The following RNF180 variants were observed in gnomAD, a reference collection of about 807,000 sequenced individuals.
RNF180 encodes E3 ubiquitin-protein ligase RNF180.
In RNF180, 38 loss-of-function variants were observed where a neutral mutation model predicts 59.2. The observed-to-expected ratio is 0.64, with a 90% CI of 0.50 to 0.84. The LOEUF (loss-of-function observed/expected upper bound fraction) is 0.84, where lower values mean the gene tolerates loss of function less well. RNF180 is among the 40% of genes least tolerant of loss of function. The pLI is 0.00. For missense variants in RNF180, 705 were observed against 700.9 expected (o/e 1.01, Z -0.07); for synonymous variants, 262 against 240.3 (o/e 1.09, Z -0.84).
intron 5 of RNF180, among the ~76,000 whole-genome samples, chr5:64,303,279 A>G (rs914417332): frequency 2.0e-5 from 3 of 151,514 alleles, no homozygotes; most frequent in Admixed American, 6.6e-5. Flanking sequence ...ATTTAGACTA[A>G]TTAATAACCC....
chr5:64,324,490 GT>G (rs1232294404), intron 5 of RNF180, among the ~76,000 whole-genome samples: 1 of 151,976 alleles, frequency 6.6e-6, no homozygotes, highest in East Asian at 1.9e-4. Context: ...CTGGAAATCG[GT>G]TTTTTTTCTC....
At chr5:64,295,633 A>G (rs1479916617) in intron 5 of RNF180, among the ~76,000 whole-genome samples, 1 of 152,190 alleles carries the variant, frequency 6.6e-6, no homozygotes, top group African/African-American at 2.4e-5. Flanking sequence ...GCTTCCTAAT[A>G]AAGTAGTATC....
intron 2 of RNF180, among the ~76,000 whole-genome samples, chr5:64,210,686 A>G (rs1270375180): frequency 6.6e-6 from 1 of 152,162 alleles, no homozygotes; most frequent in South Asian, 2.1e-4. Context: ...CTTGCACTGA[A>G]GTACACCTCT....
At chr5:64,189,629 C>T (rs1374393715) in intron 1 of RNF180, among the ~76,000 whole-genome samples, 3 of 152,076 alleles carry the variant, frequency 2.0e-5, no homozygotes, top group Non-Finnish European at 2.9e-5. Context: ...CGCTTACAGT[C>T]AACTCAAAAG....
intron 5 of RNF180, among the ~76,000 whole-genome samples, chr5:64,324,811 C>A (rs1744551635): frequency 6.6e-6 from 1 of 152,160 alleles, no homozygotes; most frequent in South Asian, 2.1e-4. Flanking sequence ...CATATTAAAA[C>A]TCTATAACCT....
At chr5:64,346,532 G>C (rs1161045549) in intron 7 of RNF180, among the ~76,000 whole-genome samples, 1 of 151,744 alleles carries the variant, frequency 6.6e-6, no homozygotes, top group Non-Finnish European at 1.5e-5. Flanking sequence ...ACCATGCCCA[G>C]CTAATCTTTG....
At chr5:64,171,438 A>G (rs922694212) in intron 1 of RNF180, among the ~76,000 whole-genome samples, 7 of 152,150 alleles carry the variant, frequency 4.6e-5, no homozygotes, top group African/African-American at 1.7e-4. Flanking sequence ...CCATCCAGAG[A>G]ACATATAGAC....
At chr5:64,327,007 A>G (rs546980581) in intron 6 of RNF180, among the ~76,000 whole-genome samples, 12 of 152,050 alleles carry the variant, frequency 7.9e-5, no homozygotes, top group East Asian at 1.9e-4. Flanking sequence ...TTGGTTTTCT[A>G]CTTCCTCTTT....
At chr5:64,277,094 C>T (rs1741760548) in intron 5 of RNF180, among the ~76,000 whole-genome samples, 1 of 151,082 alleles carries the variant, frequency 6.6e-6, no homozygotes, top group Non-Finnish European at 1.5e-5. Flanking sequence ...TATGTTTAAA[C>T]CCTAATCCCC....
intron 7 of RNF180, among the ~76,000 whole-genome samples, chr5:64,353,712 C>A (rs573715775): frequency 2.0e-5 from 3 of 151,844 alleles, no homozygotes; most frequent in Non-Finnish European, 4.4e-5. Flanking sequence ...GTTAAAAAGA[C>A]ATCGTAGTAC....
chr5:64,193,206 T>C (rs1478730133), intron 1 of RNF180, among the ~76,000 whole-genome samples: 1 of 151,962 alleles, frequency 6.6e-6, no homozygotes, highest in Non-Finnish European at 1.5e-5. Context: ...ACAGATCTGA[T>C]GTGCAATATA....
Position 64,200,790 on chromosome 5 carries a change from G to T in RNF180, c.1-18G>T. On this transcript the variant is annotated intron_variant, in intron 1 of 7. Coordinates refer to ENST00000389100, the MANE Select transcript of RNF180 (RefSeq NM_001113561.2). ...TCTGACAGTTTAACATTCTAAAAAT[G>T]CACTAATGTTTCCGCAGATGAAAAG... 6.2e-7 allele frequency: 1 copy of T among 1,604,710 alleles called. No individual in the cohort carries two copies. Among genetic ancestry groups the T allele is most frequent in the South Asian group, 1.1e-5 (1 of 90,344 alleles).
chr5:64,253,194 AT>A, intron 5 of RNF180, among the ~76,000 whole-genome samples: 1 of 152,280 alleles, frequency 6.6e-6, no homozygotes, highest in Middle Eastern at 3.4e-3. Context: ...CAGCTTTGAA[AT>A]TCACACTTGC....
chr5:64,177,494 A>C (rs563061231), intron 1 of RNF180, among the ~76,000 whole-genome samples: 1 of 139,568 alleles, frequency 7.2e-6, no homozygotes, highest in Non-Finnish European at 1.5e-5. Context: ...CTTGTTCTCT[A>C]TCTAGATTTT....
intron 5 of RNF180, among the ~76,000 whole-genome samples, chr5:64,282,629 G>T (rs559179780): frequency 9.9e-5 from 15 of 152,202 alleles, no homozygotes; most frequent in African/African-American, 3.4e-4. Context: ...ATGATGTTAG[G>T]TTGTTAATTT....
At chr5:64,346,290 T>G (rs1406345607) in intron 7 of RNF180, among the ~76,000 whole-genome samples, 1 of 148,604 alleles carries the variant, frequency 6.7e-6, no homozygotes, top group Non-Finnish European at 1.5e-5. Context: ...AGCTAAGGTT[T>G]GGTTTGTTTT....
At chr5:64,264,408 G>A (rs529946624) in intron 5 of RNF180, among the ~76,000 whole-genome samples, 3 of 151,806 alleles carry the variant, frequency 2.0e-5, no homozygotes, top group Non-Finnish European at 4.4e-5. Flanking sequence ...AGGCCCCAGT[G>A]TGTGGTATTC....
At chr5:64,319,621 C>G (rs569769337) in intron 5 of RNF180, among the ~76,000 whole-genome samples, 2 of 152,236 alleles carry the variant, frequency 1.3e-5, no homozygotes, top group Non-Finnish European at 2.9e-5. Flanking sequence ...TAGAGCTTTC[C>G]TACTCCCATT....
chr5:64,328,159 A>G (rs1162456771), intron 6 of RNF180, among the ~76,000 whole-genome samples: 2 of 152,144 alleles, frequency 1.3e-5, no homozygotes, highest in African/African-American at 4.8e-5. Context: ...GGACATTTAG[A>G]AAGTTGTGAG....
Sources: gnomAD v4.1 joint callset for allele counts (sites outside exome capture counted in the v4.1 genomes callset) on GRCh38, gnomAD v4.1.1 for gene constraint, MANE v1.5 for transcripts, NCBI Gene and HGNC (gene_info 2026-07-23, HGNC 2026-07-21) for gene names.